GDNF: variants seen among roughly 807,000 people sequenced by gnomAD.
GDNF encodes the protein glial cell derived neurotrophic factor, also known as glial cell line-derived neurotrophic factor.
In GDNF, 5 loss-of-function variants were observed where a neutral mutation model predicts 13.7. That is an observed-to-expected ratio of 0.36 (90% CI 0.19 to 0.77). GDNF has a LOEUF of 0.77. Ranked by LOEUF, GDNF falls within the 30% of genes least tolerant of loss-of-function variation. The probability of loss-of-function intolerance (pLI) is 0.51; values close to 1 mark genes in which losing one functional copy is unlikely to be tolerated. For missense variants in GDNF, 246 were observed against 274.3 expected, an observed-to-expected ratio of 0.90 and a Z score of 0.73; for synonymous variants, 122 against 112.5, an observed-to-expected ratio of 1.08 and a Z score of -0.53.
At chr5:37,821,523 T>G (rs2973046) in intron 2 of GDNF, among the ~76,000 whole-genome samples, 48,268 of 151,970 alleles carry the variant, frequency 0.32, 8,275 homozygotes, top group African/African-American at 0.46. Context: ...CCATCTAAAA[T>G]ATAAAGTTTT....
At chr5:37,833,284 T>A (rs1750583445) in intron 2 of GDNF, among the ~76,000 whole-genome samples, 1 of 152,214 alleles carries the variant, frequency 6.6e-6, no homozygotes, top group Non-Finnish European at 1.5e-5. Context: ...AAGGGGCATT[T>A]TAAAGTTTCT....
In GDNF at chr5:37,838,854, G is replaced by A. The variant is rs767236754; in HGVS notation, c.-27+653C>T. ...GTCTCAAGAATACGTTCGAGACAGA[G>A]ATTTGAATCCAGGACTGGCAAGAAA... On this transcript the variant is annotated intron_variant, in intron 1 of 2. Transcript: ENST00000326524. This position sits in a 1 kb window ranked among gnomAD's most constrained non-coding sequence, Gnocchi z 4.1. Among the ~76,000 whole-genome samples the A allele has an allele frequency of 6.6e-6, 1 of 152,200 alleles. No homozygotes were observed. The highest frequency in any genetic ancestry group is 2.4e-5 in the African/African-American group (1 of 41,450).
intron 2 of GDNF, among the ~76,000 whole-genome samples, chr5:37,829,478 A>C (rs1238546246): frequency 6.6e-6 from 1 of 152,220 alleles, no homozygotes; most frequent in Non-Finnish European, 1.5e-5. Flanking sequence ...TCCACCTAGC[A>C]ATAGTTTACA....
chr5:37,823,520 C>T (rs185440414), intron 2 of GDNF: 2 of 152,356 alleles, frequency 1.3e-5, no homozygotes, highest in African/African-American at 4.8e-5. Flanking sequence ...GGCATTTCTC[C>T]TGTGTCCTGG....
intron 2 of GDNF, among the ~76,000 whole-genome samples, chr5:37,829,427 A>G (rs1340558252): frequency 6.6e-6 from 1 of 152,248 alleles, no homozygotes; most frequent in African/African-American, 2.4e-5. Flanking sequence ...AGACATATCT[A>G]TCTGACTGAC....
At chr5:37,833,985 G>T (rs952247779) in intron 2 of GDNF, among the ~76,000 whole-genome samples, 1 of 152,180 alleles carries the variant, frequency 6.6e-6, no homozygotes, top group African/African-American at 2.4e-5. Context: ...TTTCTCAAGA[G>T]TTAGCATTGT....
chr5:37,834,885 T>A, intron 1 of GDNF, 63 bp from the exon 2 acceptor site: 1 of 1,441,320 alleles, frequency 6.9e-7, no homozygotes, highest in Non-Finnish European at 9.7e-7. Context: ...CTGGGCTCCC[T>A]GCGGGTCCCT....
At chr5:37,820,810 C>T (rs951956047) in intron 2 of GDNF, among the ~76,000 whole-genome samples, 2 of 151,994 alleles carry the variant, frequency 1.3e-5, no homozygotes, top group African/African-American at 4.8e-5. Flanking sequence ...TTTGAAAATT[C>T]CTTCCTTTGA....
intron 2 of GDNF, among the ~76,000 whole-genome samples, chr5:37,820,526 T>C (rs1039502950): frequency 6.6e-6 from 1 of 152,204 alleles, no homozygotes; most frequent in African/African-American, 2.4e-5. Context: ...AGCAAATTTG[T>C]CCAAACCCAT....
intron 2 of GDNF, among the ~76,000 whole-genome samples, chr5:37,833,236 T>G (rs1276269487): frequency 6.6e-6 from 1 of 152,216 alleles, no homozygotes; most frequent in Non-Finnish European, 1.5e-5. Context: ...CTAGACCGTT[T>G]GAGTGAATGA....
At chr5:37,835,099 C>A (rs988448125) in intron 1 of GDNF, among the ~76,000 whole-genome samples, 1 of 152,066 alleles carries the variant, frequency 6.6e-6, no homozygotes, top group African/African-American at 2.4e-5. Context: ...AGCAGGGCTG[C>A]TGTCCCCTCC....
rs1410330857 is a variant in GDNF at position 37,838,498 on chromosome 5, G to C, written c.-27+1009C>G. Among the ~76,000 whole-genome samples the C allele has an allele frequency of 6.6e-6, 1 of 152,240 alleles. No individual in the cohort carries two copies. The highest frequency in any genetic ancestry group is 1.5e-5 in the Non-Finnish European group (1 of 68,050). On this transcript the variant is annotated intron_variant, in intron 1 of 2. Coordinates refer to ENST00000326524, the MANE Select transcript of GDNF (RefSeq NM_000514.4). This position sits in a 1 kb window ranked among gnomAD's most constrained non-coding sequence, Gnocchi z 4.1. ...AACATCTCCGCAGCAGGGGCCGGAA[G>C]AGTTGCCTTTGTCCCCGCCTATGAG...
rs1030886629 is a variant in GDNF at position 37,838,318 on chromosome 5, C to T, written c.-27+1189G>A. 6.6e-6 allele frequency among the ~76,000 whole-genome samples: 1 copy of T among 152,188 alleles called. No individual in the cohort carries two copies. The highest frequency in any genetic ancestry group is 6.5e-5 in the Admixed American group (1 of 15,290). Reference sequence around the variant, plus strand: ...GTTGAAAAGGCGCCACCTTCCCTGACAAAGCGAAGGCGCAGCGAAACAGTA... The same window carrying T: ...GTTGAAAAGGCGCCACCTTCCCTGATAAAGCGAAGGCGCAGCGAAACAGTA... On this transcript the variant is annotated intron_variant, in intron 1 of 2. Transcript: ENST00000326524. This position sits in a 1 kb window ranked among gnomAD's most constrained non-coding sequence, Gnocchi z 4.1.
rs372034747 is a variant in GDNF at position 37,837,960 on chromosome 5, G to A, written c.-27+1547C>T. ...GGTCTCAGAGAGAGAAAAAGGAGGCGGTGGGGCGGGGAGACGGGTTTGCTA... is the reference window on the plus strand; with the variant it reads ...GGTCTCAGAGAGAGAAAAAGGAGGCAGTGGGGCGGGGAGACGGGTTTGCTA... On this transcript the variant is annotated intron_variant, in intron 1 of 2. Transcript: ENST00000326524. This position sits in a 1 kb window ranked among gnomAD's most constrained non-coding sequence, Gnocchi z 6.5. Among the ~76,000 whole-genome samples the A allele has an allele frequency of 1.3e-5, 2 of 151,902 alleles. No homozygotes were observed. Among genetic ancestry groups the A allele is most frequent in the South Asian group, 4.2e-4 (2 of 4,816 alleles).
intron 2 of GDNF, among the ~76,000 whole-genome samples, chr5:37,818,721 C>T (rs990694500): frequency 2.6e-4 from 39 of 152,270 alleles, no homozygotes; most frequent in African/African-American, 9.1e-4. Context: ...CCCCTCTCTG[C>T]CTGGACCCTT....
At position 37,837,633 on chromosome 5, in the gene GDNF, TA is replaced by T. The variant is rs1365703933; in HGVS notation, c.-27+1873del. On this transcript the variant is annotated intron_variant, in intron 1 of 2. Transcript: ENST00000326524. This position sits in a 1 kb window ranked among gnomAD's most constrained non-coding sequence, Gnocchi z 6.5. The stretch of plus-strand genomic sequence containing the variant: ...GGAGGCTGTGTTATCATTTTAGTTA[TA>T]AAACCGGAGAACCACCACTCCCTCT... Among the ~76,000 whole-genome samples the T allele has an allele frequency of 6.6e-6, 1 of 152,222 alleles. No individual in the cohort carries two copies. Among genetic ancestry groups the T allele is most frequent in the Non-Finnish European group, 1.5e-5 (1 of 68,034 alleles).
intron 2 of GDNF, among the ~76,000 whole-genome samples, chr5:37,832,554 T>C (rs1750557994): frequency 6.6e-6 from 1 of 152,204 alleles, no homozygotes; most frequent in Non-Finnish European, 1.5e-5. Flanking sequence ...GGGGTGTGTT[T>C]TGCTGTTCAA....
Position 37,838,775 on chromosome 5 carries a change from A to C in GDNF, c.-27+732T>G, listed in dbSNP as rs767278253. On this transcript the variant is annotated intron_variant, in intron 1 of 2. Transcript: ENST00000326524. This position sits in a 1 kb window ranked among gnomAD's most constrained non-coding sequence, Gnocchi z 4.1. ...GTGGGGTGTTTTTGGAAGGCGGCAC[A>C]GAGTACAGGAGAAAAAGGGGTCATT... is the stretch of plus-strand genomic sequence containing the variant. Among the ~76,000 whole-genome samples the C allele has an allele frequency of 1.4e-4, 22 of 152,344 alleles. No individual in the cohort carries two copies. The highest frequency in any genetic ancestry group is 2.6e-4 in the Non-Finnish European group (18 of 68,026).
intron 1 of GDNF, 30 bp from the exon 2 acceptor site, chr5:37,834,852 G>C (rs1371309972): frequency 6.2e-7 from 1 of 1,603,174 alleles, no homozygotes; most frequent in East Asian, 2.2e-5. Flanking sequence ...GTGGGGGAGA[G>C]AACCGCAGAA....
Sources: gnomAD v4.1 joint callset for allele counts (sites outside exome capture counted in the v4.1 genomes callset) on GRCh38, gnomAD v4.1.1 for gene constraint, Gnocchi (gnomAD v3.1) non-coding constraint, MANE v1.5 for transcripts, NCBI Gene and HGNC (gene_info 2026-07-23, HGNC 2026-07-21) for gene names.